Variants in RGS20 observed in about 807,000 individuals in gnomAD.
RGS20 encodes gz-selective GTPase-activating protein.
A neutral mutation model predicts 33.6 loss-of-function variants in RGS20; 30 were observed. The ratio of observed to expected loss-of-function variants is 0.89; its 90% CI spans 0.67 to 1.21. The LOEUF (loss-of-function observed/expected upper bound fraction) is 1.21, where lower values mean the gene tolerates loss of function less well. Ranked by LOEUF, RGS20 falls within the 50% of genes most tolerant of loss-of-function variation. The pLI, the probability that RGS20 is intolerant of heterozygous loss-of-function variation, is 0.00. For missense variants in RGS20, 472 were observed against 502.4 expected, an observed-to-expected ratio of 0.94 and a Z score of 0.58; for synonymous variants, 208 against 197.9, an observed-to-expected ratio of 1.05 and a Z score of -0.43.
intron 2 of RGS20, among the ~76,000 whole-genome samples, chr8:53,918,109 G>C (rs1301649355): frequency 6.6e-6 from 1 of 152,172 alleles, no homozygotes; most frequent in South Asian, 2.1e-4. Context: ...ACACCGTAAG[G>C]CTCACCATTT....
intron 2 of RGS20, among the ~76,000 whole-genome samples, chr8:53,894,916 G>T (rs1256173493): frequency 6.6e-6 from 1 of 152,210 alleles, no homozygotes; most frequent in Admixed American, 6.5e-5. Context: ...GAAGCCCACA[G>T]GAGGGGACTA....
chr8:53,862,300 T>C (rs1811826796), intron 1 of RGS20, among the ~76,000 whole-genome samples: 1 of 152,210 alleles, frequency 6.6e-6, no homozygotes, highest in African/African-American at 2.4e-5. Context: ...TCATGAAATC[T>C]ACAGGGAACA....
intron 2 of RGS20, among the ~76,000 whole-genome samples, chr8:53,909,666 TATC>T (rs1426907217): frequency 6.6e-6 from 1 of 152,210 alleles, no homozygotes; most frequent in Non-Finnish European, 1.5e-5. Context: ...GGCAGAATGA[TATC>T]ATAGTCCTGG....
At chr8:53,858,182 T>C (rs1322199805) in intron 1 of RGS20, among the ~76,000 whole-genome samples, 1 of 152,104 alleles carries the variant, frequency 6.6e-6, no homozygotes, top group Non-Finnish European at 1.5e-5. Flanking sequence ...AAAAATGAAA[T>C]GGTGATCAAC....
intron 3 of RGS20, among the ~76,000 whole-genome samples, chr8:53,944,559 T>C (rs1006007529): frequency 6.6e-6 from 1 of 151,930 alleles, no homozygotes; most frequent in Non-Finnish European, 1.5e-5. Flanking sequence ...AAAAGTATTT[T>C]AGGTGTTAGC....
intron 2 of RGS20, among the ~76,000 whole-genome samples, chr8:53,904,739 A>G (rs985878392): frequency 6.6e-6 from 1 of 151,970 alleles, no homozygotes; most frequent in Admixed American, 6.5e-5. Flanking sequence ...GAATGCCACT[A>G]TTTCCTGGGA....
chr8:53,896,278 C>T (rs574654961), intron 2 of RGS20, among the ~76,000 whole-genome samples: 2 of 151,974 alleles, frequency 1.3e-5, no homozygotes, highest in African/African-American at 2.4e-5. Context: ...AGATGCTGTC[C>T]CCCCCAAAAA....
rs187916784 is a variant in RGS20 at position 53,911,606 on chromosome 8, G to A, written c.511-27970G>A. ...GATCCTAAACTACGTAGAAAAAATCGAAAAGGTGTTATGAGATTTGTCCCT... is the reference window on the plus strand; with the variant it reads ...GATCCTAAACTACGTAGAAAAAATCAAAAAGGTGTTATGAGATTTGTCCCT... On this transcript the variant is annotated intron_variant, in intron 2 of 5. Transcript: ENST00000297313. Among the ~76,000 whole-genome samples the A allele has an allele frequency of 4.6e-5, 7 of 152,248 alleles. No individual in the cohort carries two copies. In the East Asian group the frequency reaches 7.7e-4, roughly 17 times the overall value.
chr8:53,931,502 C>T (rs901421713), intron 2 of RGS20, among the ~76,000 whole-genome samples: 3 of 152,034 alleles, frequency 2.0e-5, no homozygotes, highest in Non-Finnish European at 4.4e-5. Flanking sequence ...TTGCAGTGAG[C>T]CAAGATAATG....
At chr8:53,860,791 C>A (rs532042260) in intron 1 of RGS20, among the ~76,000 whole-genome samples, 25 of 152,232 alleles carry the variant, frequency 1.6e-4, no homozygotes, top group Admixed American at 1.4e-3. Context: ...CATGGTGAAA[C>A]CCCATCTCTA....
intron 3 of RGS20, among the ~76,000 whole-genome samples, chr8:53,940,482 A>T (rs942168643): frequency 2.0e-5 from 3 of 152,242 alleles, no homozygotes; most frequent in African/African-American, 7.2e-5. Context: ...AGTAAGTTAG[A>T]CCAAGACCTC....
intron 1 of RGS20, among the ~76,000 whole-genome samples, chr8:53,867,658 TCTTCCTTCCTTCCTTCCTTC>T (rs3083109): frequency 3.5e-5 from 5 of 143,220 alleles, no homozygotes; most frequent in African/African-American, 1.0e-4. Context: ...ACGGAAGTAG[TCTTCCTTCCTTCCTTCCTTC>T]CTTCCTTCCT....
chr8:53,905,027 G>T (rs569923109), intron 2 of RGS20, among the ~76,000 whole-genome samples: 1 of 152,060 alleles, frequency 6.6e-6, no homozygotes, highest in African/African-American at 2.4e-5. Context: ...ATTTGGCAAC[G>T]GCTATATAAA....
intron 5 of RGS20, among the ~76,000 whole-genome samples, chr8:53,956,834 CA>C (rs1814879483): frequency 6.6e-6 from 1 of 151,966 alleles, no homozygotes; most frequent in South Asian, 2.1e-4. Context: ...GGTTTTTCAT[CA>C]ATCTTTTAAA....
chr8:53,864,895 C>T (rs948805081), intron 1 of RGS20, among the ~76,000 whole-genome samples: 22 of 152,162 alleles, frequency 1.4e-4, no homozygotes, highest in Non-Finnish European at 2.9e-5. Context: ...AAGGCAGTGC[C>T]AACCTCCAAC....
intron 2 of RGS20, among the ~76,000 whole-genome samples, chr8:53,907,651 G>A (rs1329985233): frequency 6.6e-6 from 1 of 152,138 alleles, no homozygotes; most frequent in African/African-American, 2.4e-5. Flanking sequence ...CGCTCTTGGG[G>A]ATGAGGAGTG....
At chr8:53,885,895 A>C (rs1812530115) in intron 2 of RGS20, among the ~76,000 whole-genome samples, 1 of 151,692 alleles carries the variant, frequency 6.6e-6, no homozygotes, top group Non-Finnish European at 1.5e-5. Flanking sequence ...CTTAGACAGA[A>C]GGACAGGGCA....
intron 2 of RGS20, chr8:53,879,980 A>C: frequency 1.7e-5 from 4 of 229,302 alleles, no homozygotes; most frequent in Non-Finnish European, 3.4e-5. Context: ...TCGCTCTCCC[A>C]CTCCCCTGCC....
chr8:53,853,076 C>A (rs183054698), intron 1 of RGS20, among the ~76,000 whole-genome samples: 3 of 152,230 alleles, frequency 2.0e-5, no homozygotes, highest in African/African-American at 7.2e-5. Flanking sequence ...AAGAGTTTAG[C>A]AAGCTGCAAT....
Sources: allele counts gnomAD v4.1 joint callset (sites outside exome capture counted in the v4.1 genomes callset), GRCh38; gene constraint gnomAD v4.1.1; transcripts MANE v1.5; gene names NCBI Gene and HGNC (gene_info 2026-07-23, HGNC 2026-07-21).